Variants in DROSHA observed in about 807,000 individuals in gnomAD.
The protein encoded by DROSHA is ribonuclease 3.
DROSHA carries 56 observed loss-of-function variants against 181.9 expected under a neutral mutation model. The ratio of observed to expected loss-of-function variants is 0.31; its 90% CI spans 0.25 to 0.38. The LOEUF (loss-of-function observed/expected upper bound fraction) is 0.38. DROSHA is among the 10% of genes least tolerant of loss of function. DROSHA has a pLI of 1.00. For missense variants in DROSHA, 1,218 were observed against 1,743.5 expected (o/e 0.70, Z 5.37); for synonymous variants, 524 against 591.2 (o/e 0.89, Z 1.65).
chr5:31,466,211 T>C lies in DROSHA; in HGVS notation c.2437A>G (p.Thr813Ala). 1 of 1,613,672 alleles carries C rather than the reference T, an allele frequency of 6.2e-7. No individual in the cohort carries two copies. Among genetic ancestry groups the C allele is most frequent in the Non-Finnish European group, 8.5e-7 (1 of 1,179,742 alleles). ...LLANSPKVKQTDKQKLAQREE... is the reference protein window; with the variant it reads ...LLANSPKVKQADKQKLAQREE... ...CTCTGTGCCAGCTTCTGTTTGTCAG[T>C]TTGTTTGACTTTGGGACTATTTGCT... is the stretch of plus-strand genomic sequence containing the variant. Residue 813 changes from threonine (T) to alanine (A), a missense_variant, in exon 19 of 36, where the codon ACT (threonine) becomes GCT (alanine). Transcript: ENST00000344624.
chr5:31,473,174 A>C (rs3806848), intron 16 of DROSHA, among the ~76,000 whole-genome samples: 14,633 of 152,248 alleles, frequency 0.096, 1,324 homozygotes, highest in African/African-American at 0.22. Flanking sequence ...AGAAAGGGAC[A>C]AAGAGCACAA....
chr5:31,484,823 C>A, intron 15 of DROSHA, 58 bp downstream of exon 15: 1 of 1,244,844 alleles, frequency 8.0e-7, no homozygotes, highest in African/African-American at 1.5e-5. Flanking sequence ...AGAGTTTTCA[C>A]ATATACCATA....
At chr5:31,419,759 T>A (rs1742441201) in intron 30 of DROSHA, among the ~76,000 whole-genome samples, 1 of 152,182 alleles carries the variant, frequency 6.6e-6, no homozygotes, top group African/African-American at 2.4e-5. Flanking sequence ...TCAAACTATT[T>A]AGTTGGTTTG....
chr5:31,508,530 A>C (rs908585305), intron 10 of DROSHA, 91 bp downstream of exon 10: 209 of 1,563,474 alleles, frequency 1.3e-4, no homozygotes, highest in Middle Eastern at 2.2e-4. Context: ...ATTCAGTTTC[A>C]ATACTAGGCA....
At chr5:31,423,042 C>G in intron 28 of DROSHA, 98 bp from the exon 29 acceptor site, 1 of 1,215,206 alleles carries the variant, frequency 8.2e-7, no homozygotes, top group Middle Eastern at 3.0e-4. Flanking sequence ...TTCCTTCTCC[C>G]ATGAGCAGAA....
chr5:31,447,709 T>C (rs664291), intron 23 of DROSHA, among the ~76,000 whole-genome samples: 137,283 of 152,208 alleles, frequency 0.9, 62,103 homozygotes, highest in South Asian at 0.95. Context: ...GATATTTCTC[T>C]GAAGAAGATG....
chr5:31,477,553 C>T (rs1750536381), intron 16 of DROSHA, among the ~76,000 whole-genome samples: 1 of 152,242 alleles, frequency 6.6e-6, no homozygotes, highest in African/African-American at 2.4e-5. Context: ...ACTCTCCCAC[C>T]TCCTGGCCCC....
At chr5:31,496,289 G>A (rs1391151748) in intron 11 of DROSHA, among the ~76,000 whole-genome samples, 1 of 152,144 alleles carries the variant, frequency 6.6e-6, no homozygotes, top group Non-Finnish European at 1.5e-5. Context: ...TTAGCCTGGT[G>A]TGGTGGTGCA....
At position 31,421,489 on chromosome 5, in the gene DROSHA, T is replaced by C. The variant is rs146569192; in HGVS notation, c.3420-112A>G. 240 of 877,140 alleles carry C rather than the reference T, an allele frequency of 2.7e-4. 1 individual carries two copies. In the African/African-American group the frequency reaches 3.3e-3, roughly 12 times the overall value. 54.3% of individuals were successfully genotyped at this position (877,140 alleles called of 1,614,324 possible). On this transcript the variant is annotated intron_variant, in intron 29 of 35. Transcript: ENST00000344624. ...TTAAAAAGACAATGTGTTCATTTTGTTTTAAAGCACAAAACCAAATACAAT... is the reference window on the plus strand; with the variant it reads ...TTAAAAAGACAATGTGTTCATTTTGCTTTAAAGCACAAAACCAAATACAAT...
intron 16 of DROSHA, among the ~76,000 whole-genome samples, chr5:31,478,072 CAT>C (rs967074818): frequency 6.6e-5 from 10 of 152,120 alleles, no homozygotes; most frequent in African/African-American, 2.4e-4. Flanking sequence ...AATAAACTGA[CAT>C]AAACAAAAAG....
chr5:31,518,454 C>T (rs1205636921), intron 6 of DROSHA, among the ~76,000 whole-genome samples: 1 of 152,196 alleles, frequency 6.6e-6, no homozygotes, highest in Non-Finnish European at 1.5e-5. Context: ...TTACAAGATG[C>T]TTAAATTATT....
intron 27 of DROSHA, among the ~76,000 whole-genome samples, chr5:31,425,151 T>C (rs1485829696): frequency 6.6e-6 from 1 of 152,062 alleles, no homozygotes; most frequent in East Asian, 1.9e-4. Flanking sequence ...TTCCCGACCT[T>C]GATATTAGAT....
intron 23 of DROSHA, among the ~76,000 whole-genome samples, chr5:31,439,040 T>G (rs115554789): frequency 8.1e-4 from 123 of 152,284 alleles, no homozygotes; most frequent in African/African-American, 2.8e-3. Flanking sequence ...GTGAAGTCAC[T>G]GAGGCCCTTG....
chr5:31,402,944 G>A (rs949741576), intron 35 of DROSHA, among the ~76,000 whole-genome samples: 13 of 152,236 alleles, frequency 8.5e-5, no homozygotes, highest in Middle Eastern at 3.4e-3. Flanking sequence ...CACCACAACC[G>A]GCTAATTTTT....
At position 31,526,734 on chromosome 5, in the gene DROSHA, G is replaced by T. The variant is rs35342496; in HGVS notation, c.199C>A (p.Pro67Thr). 2,483 of 1,578,248 alleles carry T rather than the reference G, an allele frequency of 1.6e-3. 38 individuals are homozygous for T. In the African/African-American group the frequency reaches 0.029, roughly 19 times the overall value. Residue 67 changes from proline (P) to threonine (T), a missense_variant, in exon 5 of 36, where the codon CCA becomes ACA. Physicochemically the swap from Pro to Thr is conservative, Grantham distance 38. Coordinates refer to ENST00000344624, the MANE Select transcript of DROSHA (RefSeq NM_001382508.1). ...SAPSTTFSNSPAPNFLPPRPD... is the reference protein window; with the variant it reads ...SAPSTTFSNSTAPNFLPPRPD... ...CGTGGAGGGAGAAAATTGGGGGCTG[G>T]AGAGTTTGAGAAAGTGGTGGAAGGG...
chr5:31,469,046 T>C (rs1363614016), intron 17 of DROSHA, among the ~76,000 whole-genome samples: 1 of 152,088 alleles, frequency 6.6e-6, no homozygotes, highest in East Asian at 1.9e-4. Context: ...ATCTGACAAA[T>C]ATTCAATGAG....
intron 30 of DROSHA, among the ~76,000 whole-genome samples, chr5:31,419,911 TAA>T (rs1239874355): frequency 1.3e-5 from 2 of 151,904 alleles, no homozygotes; most frequent in Non-Finnish European, 2.9e-5. Flanking sequence ...AATTTAATAT[TAA>T]GTCATGAAAA....
At chr5:31,473,138 T>C (rs1749945359) in intron 16 of DROSHA, among the ~76,000 whole-genome samples, 1 of 152,168 alleles carries the variant, frequency 6.6e-6, no homozygotes, top group Admixed American at 6.5e-5. Flanking sequence ...TGAACAGTAG[T>C]ACAGGACCAA....
At chr5:31,428,057 A>C (rs1743694833) in intron 27 of DROSHA, among the ~76,000 whole-genome samples, 1 of 152,220 alleles carries the variant, frequency 6.6e-6, no homozygotes, top group African/African-American at 2.4e-5. Flanking sequence ...TCTTCTAACA[A>C]ATCTGTATTA....
Sources: gnomAD v4.1 joint callset for allele counts (sites outside exome capture counted in the v4.1 genomes callset) on GRCh38, gnomAD v4.1.1 for gene constraint, MANE v1.5 for transcripts, NCBI Gene and HGNC (gene_info 2026-07-23, HGNC 2026-07-21) for gene names.